Variants in IMMP1L observed in about 807,000 individuals in gnomAD.
IMMP1L encodes the protein mitochondrial inner membrane protease subunit 1.
IMMP1L carries 24 observed loss-of-function variants against 21.8 expected under a neutral mutation model. That is an observed-to-expected ratio of 1.10 (90% confidence interval 0.80 to 1.55). The LOEUF is 1.55. Among genes scored for constraint, IMMP1L ranks in the 40% most tolerant of loss-of-function variants. The pLI is 0.00. For synonymous variants in IMMP1L, 46 were observed against 62.8 expected (o/e 0.73, Z 1.26); for missense variants, 195 against 200.7 (o/e 0.97, Z 0.17).
At chr11:31,499,420 G>A (rs550960022) in intron 1 of IMMP1L, among the ~76,000 whole-genome samples, 7 of 149,900 alleles carry the variant, frequency 4.7e-5, no homozygotes, top group South Asian at 2.1e-4. Context: ...ACGACAGTAC[G>A]TTTTAAAAAA....
At chr11:31,473,021 T>C (rs898712390) in intron 1 of IMMP1L, among the ~76,000 whole-genome samples, 15 of 148,064 alleles carry the variant, frequency 1.0e-4, no homozygotes, top group African/African-American at 3.3e-4. Context: ...GCCCGCCACC[T>C]CGCACGGCTA....
chr11:31,497,343 C>T (rs1424813824), intron 1 of IMMP1L, among the ~76,000 whole-genome samples: 1 of 151,810 alleles, frequency 6.6e-6, no homozygotes, highest in African/African-American at 2.4e-5. Flanking sequence ...TATGATTCCA[C>T]TTATATGAGG....
At chr11:31,483,926 G>A (rs1443604543) in intron 1 of IMMP1L, among the ~76,000 whole-genome samples, 1 of 151,502 alleles carries the variant, frequency 6.6e-6, no homozygotes. Flanking sequence ...TTCCATACTA[G>A]AATCAATATG....
chr11:31,478,740 C>T (rs1365559925), intron 1 of IMMP1L, among the ~76,000 whole-genome samples: 1 of 152,044 alleles, frequency 6.6e-6, no homozygotes, highest in African/African-American at 2.4e-5. Flanking sequence ...CATACTTGTG[C>T]AAAGTCAATT....
intron 4 of IMMP1L, among the ~76,000 whole-genome samples, chr11:31,450,581 T>C (rs1953714691): frequency 1.3e-5 from 2 of 152,198 alleles, no homozygotes; most frequent in Non-Finnish European, 2.9e-5. Context: ...AACATTCCAA[T>C]ATTTTCTACA....
At chr11:31,506,375 C>T (rs1029044312) in intron 1 of IMMP1L, among the ~76,000 whole-genome samples, 2 of 151,732 alleles carry the variant, frequency 1.3e-5, no homozygotes, top group South Asian at 2.1e-4. Context: ...ACCACAGAAG[C>T]CCGCCACCAT....
chr11:31,478,582 G>T (rs1307259676), intron 1 of IMMP1L, among the ~76,000 whole-genome samples: 1 of 152,102 alleles, frequency 6.6e-6, no homozygotes, highest in Non-Finnish European at 1.5e-5. Context: ...AGGAGTCACA[G>T]GGAGTAGTCA....
chr11:31,481,093 G>T (rs1031867870), intron 1 of IMMP1L, among the ~76,000 whole-genome samples: 6 of 152,094 alleles, frequency 3.9e-5, no homozygotes, highest in Admixed American at 2.0e-4. Flanking sequence ...CCAGATGGGG[G>T]CTTGGAACAA....
intron 1 of IMMP1L, among the ~76,000 whole-genome samples, chr11:31,506,402 T>C (rs1955780337): frequency 1.3e-5 from 2 of 151,830 alleles, no homozygotes; most frequent in African/African-American, 2.4e-5. Flanking sequence ...CTAATTTTTT[T>C]GTATTTTTTA....
At chr11:31,474,357 CAAAGTA>C in intron 1 of IMMP1L, among the ~76,000 whole-genome samples, 1 of 152,274 alleles carries the variant, frequency 6.6e-6, no homozygotes, top group Admixed American at 6.5e-5. Flanking sequence ...GAGTCTCCAT[CAAAGTA>C]ATTCAAATTC....
chr11:31,433,743 C>T (rs920899074), intron 4 of IMMP1L, 173 bp from the exon 5 acceptor site: 2 of 443,152 alleles, frequency 4.5e-6, no homozygotes, highest in South Asian at 5.4e-5. Context: ...ATAACTTTTA[C>T]TAAATATCAA....
intron 1 of IMMP1L, among the ~76,000 whole-genome samples, chr11:31,490,695 A>T (rs1304724141): frequency 6.6e-6 from 1 of 152,092 alleles, no homozygotes; most frequent in East Asian, 1.9e-4. Flanking sequence ...CTAAAAAGAG[A>T]CTATAGTGAG....
chr11:31,459,357 A>G (rs1954060716), intron 3 of IMMP1L, among the ~76,000 whole-genome samples: 2 of 152,254 alleles, frequency 1.3e-5, no homozygotes. Context: ...TTAATATGCC[A>G]TAAACTAAAC....
intron 1 of IMMP1L, among the ~76,000 whole-genome samples, chr11:31,463,660 G>C (rs532764727): frequency 6.6e-6 from 1 of 152,090 alleles, no homozygotes; most frequent in Non-Finnish European, 1.5e-5. Flanking sequence ...AAAGTTCCTT[G>C]CTATATATTA....
chr11:31,456,324 A>C lies in IMMP1L; in HGVS notation c.257T>G (p.Ile86Ser). 6.2e-7 allele frequency: 1 copy of C among 1,608,628 alleles called. No homozygotes were observed. The highest frequency in any genetic ancestry group is 2.2e-5 in the East Asian group (1 of 44,760). The part of the protein sequence containing the change: ...DPKSNICKRV[I>S]GLEGDKILTT... ...GAGGATTTTGTCTCCTTCCAAACCA[A>C]TTACTCTTTTACAAATATTTGATTT... Residue 86 changes from isoleucine (I) to serine (S), a missense_variant, in exon 4 of 6, where the codon ATT becomes AGT. Transcript: ENST00000532287.
intron 1 of IMMP1L, among the ~76,000 whole-genome samples, chr11:31,463,929 A>C (rs1954241638): frequency 6.6e-6 from 1 of 152,134 alleles, no homozygotes; most frequent in South Asian, 2.1e-4. Flanking sequence ...AAATACTATG[A>C]AACAACAGCA....
intron 1 of IMMP1L, among the ~76,000 whole-genome samples, chr11:31,472,748 A>G (rs1954602996): frequency 6.6e-6 from 1 of 152,250 alleles, no homozygotes; most frequent in Non-Finnish European, 1.5e-5. Context: ...CAAAAGAAGT[A>G]TAGGAGGATC....
In IMMP1L at chr11:31,462,114, T is replaced by C. The variant is rs372189297; in HGVS notation, c.105+1058A>G. Among the ~76,000 whole-genome samples, 374 of 152,080 alleles carry C rather than the reference T, an allele frequency of 2.5e-3. 4 individuals carry two copies. The highest frequency in any genetic ancestry group is 0.012 in the South Asian group (56 of 4,804). On this transcript the variant is annotated intron_variant, in intron 2 of 5. Transcript: ENST00000532287. ...CAGATCACCTGAGGCCAGGAGTTCG[T>C]GCACAGCCTGGCCAACATGGTGAAA...
chr11:31,462,797 TAGTA>T (rs1263616240), intron 2 of IMMP1L, among the ~76,000 whole-genome samples: 3 of 152,200 alleles, frequency 2.0e-5, no homozygotes, highest in African/African-American at 7.2e-5. Flanking sequence ...AATGGATTAC[TAGTA>T]AGTATCTCAA....
Sources: allele counts gnomAD v4.1 joint callset (sites outside exome capture counted in the v4.1 genomes callset), GRCh38; gene constraint gnomAD v4.1.1; transcripts MANE v1.5; gene names NCBI Gene and HGNC (gene_info 2026-07-23, HGNC 2026-07-21).